Variants in RB1 observed in about 807,000 individuals in gnomAD.
RB1 encodes retinoblastoma-associated protein.
Under a neutral mutation model 135.4 loss-of-function variants are expected in RB1, and 18 were observed. The observed-to-expected ratio is 0.13, with a 90% CI of 0.09 to 0.20. RB1 has a LOEUF of 0.20. RB1 is among the 10% of genes least tolerant of loss of function. The pLI, the probability that RB1 is intolerant of heterozygous loss-of-function variation, is 1.00. For missense variants in RB1, 868 were observed against 1,110.0 expected (o/e 0.78, Z 3.10); for synonymous variants, 365 against 373.2 (o/e 0.98, Z 0.25).
At chr13:48,335,091 A>G (rs888873331) in intron 2 of RB1, among the ~76,000 whole-genome samples, 2 of 152,044 alleles carry the variant, frequency 1.3e-5, no homozygotes, top group South Asian at 4.1e-4. Flanking sequence ...TTTAATATAT[A>G]TTTTCATTTT....
chr13:48,440,933 T>C (rs957587014), intron 17 of RB1, among the ~76,000 whole-genome samples: 4 of 152,154 alleles, frequency 2.6e-5, no homozygotes, highest in African/African-American at 9.7e-5. Context: ...TTGCTTATAA[T>C]TAAAATGTAG....
Position 48,465,027 on chromosome 13 carries a change from G to A in RB1, c.2241G>A (p.Glu747=), listed in dbSNP as rs750057315. The change falls in exon 22 of 27, where the codon GAG becomes GAA. Residue 747 remains glutamate, a synonymous_variant. Transcript: ENST00000267163. ...TCAAACGTGTTTTGATCAAAGAAGA[G>A]GAGTATGATTCTATTATAGTATTCT... ...ETFKRVLIKE[E]EYDSIIVFYN... 1.3e-6 allele frequency: 2 copies of A among 1,590,738 alleles called. No homozygotes were observed. The highest frequency in any genetic ancestry group is 1.7e-5 in the Admixed American group (1 of 57,652).
chr13:48,319,507 A>T lies in RB1; in HGVS notation c.264+12101A>T, dbSNP rs1952216146. On this transcript the variant is annotated intron_variant, in intron 2 of 26. Transcript: ENST00000267163. The surrounding 1 kb of genome is among the most constrained non-coding windows in gnomAD (Gnocchi z 5.0). ...CCGCTTTTATTCTGTGGTGCTTCTGAAGGGCTGCAGGGGGCTGCTGGCTTC... is the reference window on the plus strand; with the variant it reads ...CCGCTTTTATTCTGTGGTGCTTCTGTAGGGCTGCAGGGGGCTGCTGGCTTC... 3.5e-6 allele frequency: 1 copy of T among 283,158 alleles called. No homozygotes were observed. Among genetic ancestry groups the T allele is most frequent in the Non-Finnish European group, 6.9e-6 (1 of 145,700 alleles). The allele number at this position is 283,158 out of a possible 1,614,324, so 17.5% of individuals were successfully genotyped here. A position where few individuals can be genotyped will look rare whatever the true frequency, so the allele number is the denominator to read the frequency against.
At chr13:48,337,435 G>A (rs1952395543) in intron 2 of RB1, among the ~76,000 whole-genome samples, 1 of 152,160 alleles carries the variant, frequency 6.6e-6, no homozygotes, top group Non-Finnish European at 1.5e-5. Context: ...ATTATGTAAT[G>A]GCCTTCTTTG....
At chr13:48,374,611 A>G (rs1952799988) in intron 12 of RB1, among the ~76,000 whole-genome samples, 1 of 152,202 alleles carries the variant, frequency 6.6e-6, no homozygotes, top group Non-Finnish European at 1.5e-5. Context: ...TGAGTTATCT[A>G]TAGCACAAGA....
intron 2 of RB1, chr13:48,328,636 T>C (rs1027655198): frequency 3.5e-6 from 2 of 571,940 alleles, no homozygotes; most frequent in African/African-American, 1.9e-5. Context: ...TAATTAGATA[T>C]AGAAAATAGC....
rs1952655495 is a variant in RB1 at position 48,362,854 on chromosome 13, C to G, written c.758C>G (p.Pro253Arg). 6.2e-7 allele frequency: 1 copy of G among 1,613,714 alleles called. No individual in the cohort carries two copies. The highest frequency in any genetic ancestry group is 1.7e-4 in the Middle Eastern group (1 of 6,060). Residue 253 changes from proline to arginine, a missense_variant, in exon 8 of 27, where the codon CCC becomes CGC. By Grantham distance (103) the Pro-to-Arg change is moderately radical. This residue lies in a region of RB1 where 641 missense variants were observed against 791.3 expected (regional missense o/e 0.81). Transcript: ENST00000267163. ...VIPINGSPRT[P>R]RRGQNRSARI... ...CCCATTAATGGTTCACCTCGAACACCCAGGCGAGGTCAGAACAGGAGTGCA... is the reference window on the plus strand; with the variant it reads ...CCCATTAATGGTTCACCTCGAACACGCAGGCGAGGTCAGAACAGGAGTGCA...
At position 48,307,413 on chromosome 13, in the gene RB1, A is replaced by G; in HGVS notation, c.264+7A>G. ...ATCTGTGGATGGAGTATTGGTAAGGATTTTCTTAAAACGTTTTGAAATTTT... is the reference window on the plus strand; with the variant it reads ...ATCTGTGGATGGAGTATTGGTAAGGGTTTTCTTAAAACGTTTTGAAATTTT... On this transcript the variant is annotated splice_region_variant and intron_variant, in intron 2 of 26. Coordinates refer to ENST00000267163, the MANE Select transcript of RB1 (RefSeq NM_000321.3). 6.2e-7 allele frequency: 1 copy of G among 1,612,594 alleles called. No individual in the cohort carries two copies. Among genetic ancestry groups the G allele is most frequent in the Non-Finnish European group, 8.5e-7 (1 of 1,179,312 alleles).
rs142951488 is a variant in RB1, at chr13:48,438,641, G to A, written c.1696-14352G>A. On this transcript the variant is annotated intron_variant, in intron 17 of 26. Transcript: ENST00000267163. ...TCAAACAGTTTGGAACTGTGTCCTG[G>A]ATCCACCACTTATTCATGTGACTGG... Among the ~76,000 whole-genome samples the A allele has an allele frequency of 2.7e-3, 408 of 151,964 alleles. 4 individuals are homozygous for A. The highest frequency in any genetic ancestry group is 9.4e-3 in the African/African-American group (389 of 41,464).
chr13:48,345,255 A>G lies in RB1; in HGVS notation c.500+56A>G, dbSNP rs1952482547. ...CTGATTTTTTATGTCATTGTTCACA[A>G]TTAGATTCTGGGAATTATTTAACAC... On this transcript the variant is annotated intron_variant, in intron 4 of 26. Coordinates refer to ENST00000267163, the MANE Select transcript of RB1 (RefSeq NM_000321.3). The G allele has an allele frequency of 5.8e-6, 9 of 1,560,578 alleles. No homozygotes were observed. In the East Asian group the frequency reaches 6.8e-5, roughly 12 times the overall value.
chr13:48,453,819 A>G (rs750203239), intron 18 of RB1, among the ~76,000 whole-genome samples: 2 of 152,258 alleles, frequency 1.3e-5, no homozygotes, highest in Non-Finnish European at 2.9e-5. Flanking sequence ...TTATCTATCC[A>G]TCTCATGCTG....
intron 8 of RB1, among the ~76,000 whole-genome samples, chr13:48,363,204 G>GTTTTTTTTTT (rs11332935): frequency 7.1e-6 from 1 of 141,750 alleles, no homozygotes. Flanking sequence ...TTCAAATGTA[G>GTTTTTTTTTT]TTTTTTTTTT....
At chr13:48,368,652 G>A (rs958668698) in intron 11 of RB1, 48 bp downstream of exon 11, 2 of 1,585,568 alleles carry the variant, frequency 1.3e-6, no homozygotes, top group African/African-American at 1.4e-5. Context: ...GTTATTCATG[G>A]CTTTATAGTG....
rs1949533019 is a variant in RB1, at chr13:48,480,626, A to T, written c.*555A>T. On this transcript the variant is annotated 3_prime_UTR_variant, in exon 27 of 27. Transcript: ENST00000267163. ...TAGAAAAAAATTACTAATTTTACAC[A>T]TTAGATTTTATTTTACTATTGGAAT... 1.8e-5 allele frequency: 4 copies of T among 225,910 alleles called. No individual in the cohort carries two copies. Among genetic ancestry groups the T allele is most frequent in the Admixed American group, 5.7e-5 (1 of 17,626 alleles). 14.0% of individuals were successfully genotyped at this position (225,910 alleles called of 1,614,324 possible).
At chr13:48,331,576 CA>C (rs1333472070) in intron 2 of RB1, among the ~76,000 whole-genome samples, 1 of 152,078 alleles carries the variant, frequency 6.6e-6, no homozygotes, top group East Asian at 1.9e-4. Context: ...AGCTATTATT[CA>C]AAAAGTCAGA....
At chr13:48,420,122 G>A (rs565158612) in intron 17 of RB1, among the ~76,000 whole-genome samples, 8 of 152,176 alleles carry the variant, frequency 5.3e-5, no homozygotes, top group South Asian at 4.1e-4. Context: ...GATGAATATC[G>A]ACGTGAAAAC....
intron 2 of RB1, among the ~76,000 whole-genome samples, chr13:48,321,267 C>T (rs539120384): frequency 1.3e-5 from 2 of 151,826 alleles, no homozygotes; most frequent in Admixed American, 1.3e-4. Flanking sequence ...TTTGATATTC[C>T]ACATATAAAT....
intron 17 of RB1, among the ~76,000 whole-genome samples, chr13:48,416,929 A>G (rs1017853128): frequency 6.6e-6 from 1 of 152,178 alleles, no homozygotes; most frequent in African/African-American, 2.4e-5. Flanking sequence ...AGGGGCTTAT[A>G]GATAAAACTG....
chr13:48,321,671 C>T (rs1033848722), intron 2 of RB1, among the ~76,000 whole-genome samples: 3 of 151,986 alleles, frequency 2.0e-5, no homozygotes, highest in African/African-American at 4.8e-5. Context: ...GCCTGGCTAA[C>T]ATGGTGAAAC....
Sources: allele counts gnomAD v4.1 joint callset (sites outside exome capture counted in the v4.1 genomes callset), GRCh38; gene constraint gnomAD v4.1.1; regional missense constraint gnomAD v4.1.1; non-coding constraint Gnocchi (gnomAD v3.1); transcripts MANE v1.5; gene names NCBI Gene and HGNC (gene_info 2026-07-23, HGNC 2026-07-21).